ABCC11: variants seen among roughly 807,000 people sequenced by gnomAD.
The protein encoded by ABCC11 is ATP-binding cassette sub-family C member 11.
In ABCC11, 135 loss-of-function variants were observed where a neutral mutation model predicts 149.3. The observed-to-expected ratio is 0.90, with a 90% confidence interval of 0.79 to 1.04. The LOEUF is 1.04. Among genes scored for constraint, ABCC11 ranks in the 50% least tolerant of loss-of-function variants. The probability of loss-of-function intolerance (pLI) is 0.00; values close to 1 mark genes in which losing one functional copy is unlikely to be tolerated. For synonymous variants in ABCC11, 665 were observed against 671.4 expected (o/e 0.99, Z 0.15); for missense variants, 1,680 against 1,722.1 (o/e 0.98, Z 0.43).
chr16:48,225,043 C>CA (rs113544609), intron 4 of ABCC11, among the ~76,000 whole-genome samples: 9,171 of 142,494 alleles, frequency 0.064, 312 homozygotes, highest in Middle Eastern at 0.16. Flanking sequence ...AAAAACAAAC[C>CA]AAAAAAAAAA....
intron 23 of ABCC11, among the ~76,000 whole-genome samples, chr16:48,183,494 G>A (rs1407931589): frequency 6.6e-6 from 1 of 152,254 alleles, no homozygotes; most frequent in African/African-American, 2.4e-5. Context: ...TGGACACGGT[G>A]GTTAACACCT....
At chr16:48,213,682 G>A in intron 9 of ABCC11, 132 bp from the exon 10 acceptor site, 1 of 636,608 alleles carries the variant, frequency 1.6e-6, no homozygotes, top group East Asian at 3.1e-5. Flanking sequence ...GGCTAAGCTA[G>A]TGTTTGGAGG....
chr16:48,201,458 C>T (rs190885591), intron 14 of ABCC11, among the ~76,000 whole-genome samples: 2,307 of 145,996 alleles, frequency 0.016, 77 homozygotes, highest in African/African-American at 0.056. Flanking sequence ...GTTTTTAAAC[C>T]TTTTTTTTTC....
Position 48,167,105 on chromosome 16 carries a change from C to T in ABCC11, c.*169G>A, listed in dbSNP as rs1965374886. ...TAAGGTCTTGAGAGCCATCAAGTAG[C>T]CTATTCCAGGGTTTCCATCCAGCAA... is the stretch of plus-strand genomic sequence containing the variant. On this transcript the variant is annotated 3_prime_UTR_variant, in exon 30 of 30. Transcript: ENST00000356608. The T allele has an allele frequency of 3.2e-6, 2 of 616,204 alleles. No homozygotes were observed. The highest frequency in any genetic ancestry group is 3.8e-5 in the South Asian group (2 of 52,548). 38.2% of individuals were successfully genotyped at this position (616,204 alleles called of 1,614,324 possible). A position where few individuals can be genotyped will look rare whatever the true frequency, so the allele number is the denominator to read the frequency against.
Position 48,215,236 on chromosome 16 carries a change from T to A in ABCC11, c.1060A>T (p.Met354Leu), listed in dbSNP as rs779424873. 36 of 1,613,718 alleles carry A rather than the reference T, an allele frequency of 2.2e-5. 2 individuals carry two copies. In the South Asian group the frequency reaches 3.8e-4, roughly 17 times the overall value. Residue 354 changes from methionine (M) to leucine (L), a missense_variant, in exon 8 of 30, where the codon ATG becomes TTG. Transcript: ENST00000356608. ...EVLTCIKLIK[M>L]YTWEKPFAKI... ...GCAAATGGTTTCTCCCATGTGTACA[T>A]TTTAATCAGCTTAATGCAAGTGAGA... is the stretch of plus-strand genomic sequence containing the variant.
Position 48,231,865 on chromosome 16 carries a change from A to G in ABCC11, c.57T>C (p.Arg19=). The G allele has an allele frequency of 6.2e-7, 1 of 1,614,202 alleles. No homozygotes were observed. The highest frequency in any genetic ancestry group is 8.5e-7 in the Non-Finnish European group (1 of 1,180,024). The change falls in exon 2 of 30, where the codon CGT becomes CGC. Residue 19 remains arginine (R), a synonymous_variant. Transcript: ENST00000356608. The part of the protein sequence containing the change: ...VPNSSGGLVN[R]GIDIGDDMVS... ...CCATGTCATCGCCTATGTCGATGCCACGATTCACGAGGCCACCAGAAGAGT... is the reference window on the plus strand; with the variant it reads ...CCATGTCATCGCCTATGTCGATGCCGCGATTCACGAGGCCACCAGAAGAGT...
intron 11 of ABCC11, 145 bp from the exon 12 acceptor site, chr16:48,208,641 A>G: frequency 1.2e-6 from 1 of 835,028 alleles, no homozygotes; most frequent in Non-Finnish European, 1.8e-6. Context: ...TCAGACAGGC[A>G]AAGCTCAAGA....
At chr16:48,235,866 G>A (rs747957024) in intron 1 of ABCC11, among the ~76,000 whole-genome samples, 29 of 152,192 alleles carry the variant, frequency 1.9e-4, no homozygotes, top group Admixed American at 2.6e-4. Context: ...GGTTGTTTGC[G>A]TATGGTGAAA....
At position 48,205,500 on chromosome 16, in the gene ABCC11, C is replaced by T. The variant is rs1968358306; in HGVS notation, c.1718G>A (p.Ser573Asn). 1.9e-6 allele frequency: 3 copies of T among 1,614,170 alleles called. No individual in the cohort carries two copies. In the Middle Eastern group the frequency reaches 4.9e-4, roughly 266 times the overall value. Residue 573 changes from serine to asparagine, a missense_variant, in exon 13 of 30, where the codon AGC becomes AAC. Coordinates refer to ENST00000356608, the MANE Select transcript of ABCC11 (RefSeq NM_001370497.1). ...LLEGSVGVQG[S>N]LAYVPQQAWI... ...GGCCTGCTGGGGGACATAGGCCAGG[C>T]TTCCCTGCACCCCCACCGAGCCCTC...
rs112523681 is a variant in ABCC11 at position 48,229,031 on chromosome 16, G to A, written c.237-1067C>T. ...GAACTTATAAGATTTCTTTTGGGGGGTAGGGGAGAGGGACTATGACGTCTT... is the reference window on the plus strand; with the variant it reads ...GAACTTATAAGATTTCTTTTGGGGGATAGGGGAGAGGGACTATGACGTCTT... On this transcript the variant is annotated intron_variant, in intron 3 of 29. Coordinates refer to ENST00000356608, the MANE Select transcript of ABCC11 (RefSeq NM_001370497.1). Among the ~76,000 whole-genome samples the A allele has an allele frequency of 7.0e-3, 1,068 of 152,230 alleles. 17 individuals are homozygous for A. The highest frequency in any genetic ancestry group is 0.025 in the African/African-American group (1,018 of 41,536).
intron 15 of ABCC11, among the ~76,000 whole-genome samples, chr16:48,198,867 T>A (rs967216180): frequency 3.9e-5 from 6 of 151,972 alleles, no homozygotes; most frequent in African/African-American, 1.4e-4. Context: ...TGAAACCTCG[T>A]CTGTACTACA....
intron 26 of ABCC11, among the ~76,000 whole-genome samples, chr16:48,174,418 C>A (rs913757187): frequency 2.0e-5 from 3 of 152,174 alleles, no homozygotes; most frequent in African/African-American, 7.2e-5. Context: ...CATGGGGGGA[C>A]CTAGCCTGCT....
chr16:48,177,205 T>G, intron 24 of ABCC11, 92 bp from the exon 25 acceptor site: 1 of 1,315,580 alleles, frequency 7.6e-7, no homozygotes, highest in Non-Finnish European at 1.0e-6. Context: ...GTAGGGGGTG[T>G]GACCCACCCC....
intron 10 of ABCC11, among the ~76,000 whole-genome samples, chr16:48,211,646 C>A (rs911651819): frequency 2.6e-5 from 4 of 151,814 alleles, no homozygotes; most frequent in Admixed American, 2.0e-4. Context: ...GAGTTTAAGA[C>A]CAGCCTGGGG....
chr16:48,194,088 A>G, intron 18 of ABCC11, 106 bp from the exon 19 acceptor site: 1 of 768,982 alleles, frequency 1.3e-6, no homozygotes, highest in Non-Finnish European at 2.2e-6. Flanking sequence ...GAAACCCTTG[A>G]GCCCCACCCA....
chr16:48,178,632 A>G lies in ABCC11; in HGVS notation c.3313T>C (p.Phe1105Leu). 6.2e-7 allele frequency: 1 copy of G among 1,614,104 alleles called. No homozygotes were observed. The highest frequency in any genetic ancestry group is 8.5e-7 in the Non-Finnish European group (1 of 1,180,010). The part of the protein sequence containing the change: ...ARIGLETEAQ[F>L]TAVERILQYM... ...TGCAGTATCCTCTCTACAGCCGTGA[A>G]CTGTGCCTCTGTCTCCAAGCCAATC... is the stretch of plus-strand genomic sequence containing the variant. The change falls in exon 24 of 30, where the codon TTC becomes CTC. Residue 1105 changes from phenylalanine (F) to leucine (L), a missense_variant. By Grantham distance (22) the Phe-to-Leu change is conservative (BLOSUM62 0). Coordinates refer to ENST00000356608, the MANE Select transcript of ABCC11 (RefSeq NM_001370497.1).
intron 14 of ABCC11, among the ~76,000 whole-genome samples, chr16:48,202,038 T>G (rs1968027209): frequency 6.6e-6 from 1 of 152,198 alleles, no homozygotes; most frequent in South Asian, 2.1e-4. Flanking sequence ...CTGCTTGATC[T>G]GGCCAAAGCC....
chr16:48,246,592 A>G (rs1971400057), intron 1 of ABCC11, among the ~76,000 whole-genome samples: 1 of 152,118 alleles, frequency 6.6e-6, no homozygotes, highest in Admixed American at 6.6e-5. Context: ...ATTTTTTGAG[A>G]CAGAGTCTCA....
At chr16:48,205,229 C>T (rs1356817839) in intron 13 of ABCC11, among the ~76,000 whole-genome samples, 184 bp downstream of exon 13, 2 of 152,170 alleles carry the variant, frequency 1.3e-5, no homozygotes, top group Non-Finnish European at 2.9e-5. Context: ...CCTCTTGGGG[C>T]CTCAGCTGAT....
Sources: allele counts gnomAD v4.1 joint callset (sites outside exome capture counted in the v4.1 genomes callset), GRCh38; gene constraint gnomAD v4.1.1; transcripts MANE v1.5; gene names NCBI Gene and HGNC (gene_info 2026-07-23, HGNC 2026-07-21).